FRMD4A: variants seen among roughly 807,000 people sequenced by gnomAD.
FRMD4A encodes FERM domain containing 4A, also known as FERM domain-containing protein 4A.
Under a neutral mutation model 129.1 loss-of-function variants are expected in FRMD4A, and 29 were observed. That is an observed-to-expected ratio of 0.22 (90% CI 0.17 to 0.31). The LOEUF is 0.31. Among genes scored for constraint, FRMD4A ranks in the 10% least tolerant of loss-of-function variants. The pLI, the probability that FRMD4A is intolerant of heterozygous loss-of-function variation, is 1.00. For missense variants in FRMD4A, 1,272 were observed against 1,375.8 expected (o/e 0.92, Z 1.19); for synonymous variants, 634 against 571.6 (o/e 1.11, Z -1.56).
At chr10:14,271,122 G>A (rs1185268963) in intron 2 of FRMD4A, among the ~76,000 whole-genome samples, 1 of 152,078 alleles carries the variant, frequency 6.6e-6, no homozygotes, top group Non-Finnish European at 1.5e-5. Context: ...GGTCTCAGAT[G>A]AACTCAGAGT....
At chr10:14,120,232 T>C (rs75082660) in intron 2 of FRMD4A, among the ~76,000 whole-genome samples, 9,924 of 152,102 alleles carry the variant, frequency 0.065, 422 homozygotes, top group African/African-American at 0.11. Context: ...TCCATCCCTT[T>C]ACGTACACTG....
chr10:14,261,986 A>C (rs536780139), intron 2 of FRMD4A, among the ~76,000 whole-genome samples: 32 of 139,218 alleles, frequency 2.3e-4, no homozygotes, highest in South Asian at 4.6e-4. Context: ...ACACACACAC[A>C]CCTCATTTTC....
At chr10:13,998,003 C>A (rs2095628975) in intron 2 of FRMD4A, among the ~76,000 whole-genome samples, 1 of 152,182 alleles carries the variant, frequency 6.6e-6, no homozygotes, top group Admixed American at 6.5e-5. Context: ...ACTTGACTAT[C>A]AGCAGCATTT....
chr10:14,291,826 G>A (rs917481888), intron 2 of FRMD4A, among the ~76,000 whole-genome samples: 1 of 151,512 alleles, frequency 6.6e-6, no homozygotes, highest in Non-Finnish European at 1.5e-5. Context: ...ATAGGAATTG[G>A]AATTATATTA....
chr10:13,979,965 C>T (rs1482201813), intron 2 of FRMD4A, among the ~76,000 whole-genome samples: 3 of 152,148 alleles, frequency 2.0e-5, no homozygotes, highest in Non-Finnish European at 4.4e-5. Flanking sequence ...CTATGAGCAC[C>T]CCATTCCCTT....
intron 2 of FRMD4A, among the ~76,000 whole-genome samples, chr10:14,221,739 GA>G (rs1843268897): frequency 2.0e-5 from 3 of 149,698 alleles, no homozygotes; most frequent in South Asian, 2.1e-4. Flanking sequence ...TTTTTTTTTA[GA>G]GATGGGGTCT....
chr10:14,297,571 T>A (rs1431003249), intron 2 of FRMD4A, among the ~76,000 whole-genome samples: 1 of 152,204 alleles, frequency 6.6e-6, no homozygotes, highest in African/African-American at 2.4e-5. Flanking sequence ...CAACACCCAC[T>A]AGAACCTATT....
At chr10:14,037,689 C>T (rs1301629205) in intron 2 of FRMD4A, among the ~76,000 whole-genome samples, 5 of 152,054 alleles carry the variant, frequency 3.3e-5, no homozygotes, top group South Asian at 2.1e-4. Context: ...GTCAATTTTG[C>T]TCCCCATGGA....
chr10:14,159,004 T>C (rs181171064), intron 2 of FRMD4A, among the ~76,000 whole-genome samples: 2 of 152,010 alleles, frequency 1.3e-5, no homozygotes, highest in Non-Finnish European at 2.9e-5. Context: ...AAGGAGAGTA[T>C]ATAAAGGCAA....
chr10:14,086,257 A>T (rs903482515), intron 2 of FRMD4A, among the ~76,000 whole-genome samples: 1 of 152,232 alleles, frequency 6.6e-6, no homozygotes, highest in African/African-American at 2.4e-5. Context: ...GTAATAAAAA[A>T]AATCTTTCAA....
intron 2 of FRMD4A, among the ~76,000 whole-genome samples, chr10:13,904,194 T>C (rs1469112118): frequency 6.6e-6 from 1 of 152,118 alleles, no homozygotes; most frequent in East Asian, 1.9e-4. Flanking sequence ...AGGGCCTGCC[T>C]GCCTGTCTGG....
At chr10:14,298,496 C>G (rs1209296660) in intron 2 of FRMD4A, among the ~76,000 whole-genome samples, 1 of 152,172 alleles carries the variant, frequency 6.6e-6, no homozygotes, top group Non-Finnish European at 1.5e-5. Flanking sequence ...AGCCTCCACT[C>G]AGCTGCAAGA....
chr10:13,699,540 A>C (rs920879398), intron 14 of FRMD4A, among the ~76,000 whole-genome samples: 2 of 152,132 alleles, frequency 1.3e-5, no homozygotes, highest in African/African-American at 4.8e-5. Context: ...CTATGCAAAA[A>C]CCGGCGCAGA....
intron 2 of FRMD4A, among the ~76,000 whole-genome samples, chr10:14,293,620 G>GAAAA (rs368317603): frequency 6.1e-4 from 89 of 146,972 alleles, no homozygotes; most frequent in Non-Finnish European, 5.7e-4. Flanking sequence ...TGAAGATAGA[G>GAAAA]AAAAAAAAAA....
chr10:13,832,724 CCAGGGGGTAGG>C (rs1691403614), intron 3 of FRMD4A, among the ~76,000 whole-genome samples: 1 of 152,110 alleles, frequency 6.6e-6, no homozygotes, highest in African/African-American at 2.4e-5. Context: ...GGCCTGCAGG[CCAGGGGGTAGG>C]TGGGAGTGAT....
At chr10:14,227,449 G>A (rs1589196670) in intron 2 of FRMD4A, among the ~76,000 whole-genome samples, 3 of 151,332 alleles carry the variant, frequency 2.0e-5, no homozygotes, top group East Asian at 1.9e-4. Context: ...ATGAGGTTTC[G>A]CCATGTTGGC....
chr10:13,691,450 G>A (rs2085681255), intron 15 of FRMD4A, among the ~76,000 whole-genome samples: 1 of 152,116 alleles, frequency 6.6e-6, no homozygotes, highest in Non-Finnish European at 1.5e-5. Context: ...CAGGACACGG[G>A]CTTAAAACTG....
intron 2 of FRMD4A, among the ~76,000 whole-genome samples, chr10:14,314,566 T>G (rs1051286603): frequency 1.3e-5 from 2 of 152,118 alleles, no homozygotes; most frequent in African/African-American, 4.8e-5. Flanking sequence ...CCACTCCTCC[T>G]CTTTCTGCTT....
chr10:13,788,933 A>G (rs2092931170), intron 5 of FRMD4A, among the ~76,000 whole-genome samples: 1 of 152,028 alleles, frequency 6.6e-6, no homozygotes, highest in Non-Finnish European at 1.5e-5. Context: ...CTCCTCCTCC[A>G]TTCTCCCTGC....
Sources: allele counts gnomAD v4.1 joint callset (sites outside exome capture counted in the v4.1 genomes callset), GRCh38; gene constraint gnomAD v4.1.1; transcripts MANE v1.5; gene names NCBI Gene and HGNC (gene_info 2026-07-23, HGNC 2026-07-21).